ADGRV1: variants seen among roughly 807,000 people sequenced by gnomAD.
ADGRV1 encodes adhesion G protein-coupled receptor V1.
In ADGRV1, 359 loss-of-function variants were observed where a neutral mutation model predicts 596.2. The observed-to-expected ratio is 0.60, with a 90% CI of 0.55 to 0.66. ADGRV1 has a LOEUF of 0.66. Among genes scored for constraint, ADGRV1 ranks in the 30% least tolerant of loss-of-function variants. The pLI is 0.00. For missense variants in ADGRV1, 7,274 were observed against 7,575.6 expected, an observed-to-expected ratio of 0.96 and a Z score of 1.48; for synonymous variants, 2,681 against 2,679.2, an observed-to-expected ratio of 1.00 and a Z score of -0.02.
intron 83 of ADGRV1, among the ~76,000 whole-genome samples, chr5:90,867,456 C>A (rs1768234527): frequency 1.3e-5 from 2 of 152,112 alleles, no homozygotes; most frequent in Admixed American, 1.3e-4. Flanking sequence ...TCTCATTCTG[C>A]AACATTTTGG....
chr5:90,987,829 T>G (rs1780620316), intron 85 of ADGRV1, among the ~76,000 whole-genome samples: 2 of 152,078 alleles, frequency 1.3e-5, no homozygotes, highest in African/African-American at 4.8e-5. Flanking sequence ...TAGCTCATTA[T>G]GGAAGAGCTA....
chr5:90,597,080 G>C (rs1760783087), intron 1 of ADGRV1, among the ~76,000 whole-genome samples: 2 of 152,206 alleles, frequency 1.3e-5, no homozygotes, highest in African/African-American at 4.8e-5. Flanking sequence ...GTTTTGGTTT[G>C]ATACATGTTT....
chr5:90,923,596 A>G (rs186903196), intron 83 of ADGRV1, among the ~76,000 whole-genome samples: 177 of 152,302 alleles, frequency 1.2e-3, no homozygotes, highest in African/African-American at 4.2e-3. Flanking sequence ...GCTGCAATAT[A>G]GAACAGTCCC....
At chr5:91,041,054 T>A (rs1785298193) in intron 85 of ADGRV1, among the ~76,000 whole-genome samples, 1 of 152,216 alleles carries the variant, frequency 6.6e-6, no homozygotes, top group South Asian at 2.1e-4. Flanking sequence ...GTAAATTAGT[T>A]CAACCATTGT....
At chr5:90,568,175 G>GT (rs1338183099) in intron 1 of ADGRV1, among the ~76,000 whole-genome samples, 2 of 151,484 alleles carry the variant, frequency 1.3e-5, no homozygotes, top group Admixed American at 6.6e-5. Flanking sequence ...TAGTTTGCCT[G>GT]TTTTTTTCTA....
intron 72 of ADGRV1, among the ~76,000 whole-genome samples, chr5:90,805,836 C>A (rs1309956823): frequency 6.6e-6 from 1 of 152,170 alleles, no homozygotes; most frequent in Non-Finnish European, 1.5e-5. Context: ...AGTAGGGCAG[C>A]TGTTACTTTA....
chr5:90,853,318 T>A lies in ADGRV1; in HGVS notation c.17239T>A (p.Ser5747Thr). Residue 5747 changes from serine to threonine, a missense_variant, in exon 80 of 90, where the codon TCA becomes ACA. This residue lies in a region of ADGRV1 where 1,874 missense variants were observed against 1,970.2 expected (regional missense o/e 0.95). Transcript: ENST00000405460. ...KTILDSCPYL[S>T]ILALHWYPQQ... ...CATCCTTGATAGTTGCCCATATTTG[T>A]CAATATTGGCTCTTCACTGGTATCC... 3 of 1,610,968 alleles carry A rather than the reference T, an allele frequency of 1.9e-6. No individual in the cohort carries two copies. The highest frequency in any genetic ancestry group is 2.5e-6 in the Non-Finnish European group (3 of 1,177,894).
intron 85 of ADGRV1, among the ~76,000 whole-genome samples, chr5:91,019,487 GA>G (rs1470590828): frequency 6.6e-6 from 1 of 151,960 alleles, no homozygotes; most frequent in Non-Finnish European, 1.5e-5. Flanking sequence ...AGCAAAGTGA[GA>G]CCAACATTAA....
chr5:90,801,822 C>G (rs1172352031), intron 70 of ADGRV1, among the ~76,000 whole-genome samples: 1 of 152,158 alleles, frequency 6.6e-6, no homozygotes, highest in African/African-American at 2.4e-5. Flanking sequence ...GGAAAATGTG[C>G]TGTAAGTTTC....
chr5:90,637,997 C>T, intron 11 of ADGRV1, 49 bp downstream of exon 11: 3 of 1,288,732 alleles, frequency 2.3e-6, no homozygotes, highest in Non-Finnish European at 3.2e-6. Flanking sequence ...TTTGAGTTCT[C>T]TTCAATAACT....
chr5:90,829,776 A>C (rs2150325011), intron 77 of ADGRV1, among the ~76,000 whole-genome samples: 1 of 152,162 alleles, frequency 6.6e-6, no homozygotes, highest in Admixed American at 6.6e-5. Context: ...TTTCAGCCTT[A>C]TTTTTTTGCT....
At chr5:90,928,914 G>C (rs1324685382) in intron 83 of ADGRV1, among the ~76,000 whole-genome samples, 1 of 144,684 alleles carries the variant, frequency 6.9e-6, no homozygotes, top group Non-Finnish European at 1.5e-5. Flanking sequence ...GTGTGCCCCT[G>C]CTGGGGGGTG....
chr5:90,864,064 T>C (rs1289190349), intron 83 of ADGRV1, among the ~76,000 whole-genome samples: 1 of 151,680 alleles, frequency 6.6e-6, no homozygotes, highest in Admixed American at 6.6e-5. Context: ...AGCACCTTAA[T>C]ATCATCGCTT....
At chr5:90,978,021 G>T (rs564336694) in intron 84 of ADGRV1, among the ~76,000 whole-genome samples, 1 of 152,118 alleles carries the variant, frequency 6.6e-6, no homozygotes, top group East Asian at 1.9e-4. Context: ...TTTTGACTGG[G>T]CACGGTAGCT....
At chr5:90,625,274 A>G (rs1355300179) in intron 6 of ADGRV1, 31 bp downstream of exon 6, 6 of 1,378,792 alleles carry the variant, frequency 4.4e-6, no homozygotes, top group South Asian at 1.2e-5. Context: ...CAAATGGGAC[A>G]AGGATTCTGT....
At chr5:90,578,554 G>T (rs912878394) in intron 1 of ADGRV1, among the ~76,000 whole-genome samples, 1 of 152,192 alleles carries the variant, frequency 6.6e-6, no homozygotes, top group Non-Finnish European at 1.5e-5. Context: ...GTTCATCAGG[G>T]ATATTGGTCT....
intron 20 of ADGRV1, among the ~76,000 whole-genome samples, chr5:90,657,660 T>G (rs1769612617): frequency 6.6e-6 from 1 of 152,202 alleles, no homozygotes; most frequent in South Asian, 2.1e-4. Flanking sequence ...CTTTTAAGTA[T>G]ATCATCTAAT....
chr5:90,596,078 C>T (rs558265363), intron 1 of ADGRV1, among the ~76,000 whole-genome samples: 14 of 148,292 alleles, frequency 9.4e-5, no homozygotes, highest in Non-Finnish European at 1.5e-4. Context: ...TCAGACGGGG[C>T]GGCCGGGCAG....
At chr5:91,085,893 C>T (rs182276402) in intron 86 of ADGRV1, among the ~76,000 whole-genome samples, 1 of 152,294 alleles carries the variant, frequency 6.6e-6, no homozygotes, top group East Asian at 1.9e-4. Flanking sequence ...TACAAGTTGC[C>T]TGTTCTCATC....
Sources: allele counts gnomAD v4.1 joint callset (sites outside exome capture counted in the v4.1 genomes callset), GRCh38; gene constraint gnomAD v4.1.1; regional missense constraint gnomAD v4.1.1; transcripts MANE v1.5; gene names NCBI Gene and HGNC (gene_info 2026-07-23, HGNC 2026-07-21).